NAV2: variants seen among roughly 807,000 people sequenced by gnomAD.
NAV2 encodes the protein neuron navigator 2, also known as helicase, APC down-regulated 1.
A neutral mutation model predicts 223.2 loss-of-function variants in NAV2; 54 were observed. That is an observed-to-expected ratio of 0.24 (90% confidence interval 0.19 to 0.30). The LOEUF is 0.30. Ranked by LOEUF, NAV2 falls within the 10% of genes least tolerant of loss-of-function variation. The pLI is 1.00. For synonymous variants in NAV2, 1,279 were observed against 1,239.3 expected (o/e 1.03, Z -0.67); for missense variants, 2,806 against 3,147.5 (o/e 0.89, Z 2.60).
At chr11:19,689,870 A>G in intron 1 of NAV2, among the ~76,000 whole-genome samples, 1 of 152,220 alleles carries the variant, frequency 6.6e-6, no homozygotes, top group Non-Finnish European at 1.5e-5. Flanking sequence ...TGGTTGCCAG[A>G]TGCACGATAC....
chr11:19,358,688 T>C (rs1475398160), intron 1 of NAV2, among the ~76,000 whole-genome samples: 3 of 152,166 alleles, frequency 2.0e-5, no homozygotes. Flanking sequence ...GCCTTTATGT[T>C]CAGAATCCAG....
intron 1 of NAV2, among the ~76,000 whole-genome samples, chr11:19,379,189 T>C (rs914598610): frequency 4.6e-5 from 7 of 151,988 alleles, no homozygotes; most frequent in Non-Finnish European, 1.0e-4. Flanking sequence ...GATTGGAAAC[T>C]TGCAGTGTGG....
intron 6 of NAV2, among the ~76,000 whole-genome samples, chr11:19,915,284 C>T (rs779636851): frequency 1.3e-5 from 2 of 152,272 alleles, no homozygotes; most frequent in African/African-American, 2.4e-5. Context: ...ATCTCATTTT[C>T]GTAAAGGGAA....
chr11:19,738,938 A>C (rs1565231972), intron 1 of NAV2, among the ~76,000 whole-genome samples: 1 of 152,180 alleles, frequency 6.6e-6, no homozygotes, highest in Non-Finnish European at 1.5e-5. Flanking sequence ...AAAACACACA[A>C]CTAATATTAG....
chr11:19,532,998 C>T (rs558749210), intron 1 of NAV2, among the ~76,000 whole-genome samples: 8 of 152,294 alleles, frequency 5.3e-5, no homozygotes, highest in South Asian at 2.1e-4. Context: ...GACCAGTGTC[C>T]ACACATAGTG....
chr11:19,461,822 C>G (rs1422217192), intron 1 of NAV2, among the ~76,000 whole-genome samples: 1 of 152,182 alleles, frequency 6.6e-6, no homozygotes, highest in African/African-American at 2.4e-5. Context: ...CGGTTATGAA[C>G]AGATGTGTGT....
At chr11:19,500,017 C>T (rs937983522) in intron 1 of NAV2, among the ~76,000 whole-genome samples, 17 of 152,040 alleles carry the variant, frequency 1.1e-4, no homozygotes, top group Admixed American at 4.6e-4. Flanking sequence ...TCCACACACA[C>T]GCACACACAC....
chr11:19,866,221 T>C (rs1425078539), intron 3 of NAV2, among the ~76,000 whole-genome samples: 4 of 152,222 alleles, frequency 2.6e-5, no homozygotes, highest in Non-Finnish European at 5.9e-5. Context: ...ACTGGACAGT[T>C]CTTTGTTGTG....
intron 5 of NAV2, among the ~76,000 whole-genome samples, chr11:19,884,997 A>T (rs1369552139): frequency 6.6e-6 from 1 of 152,190 alleles, no homozygotes; most frequent in Non-Finnish European, 1.5e-5. Context: ...AGTTCTCTTA[A>T]TTCAGACTTC....
intron 20 of NAV2, among the ~76,000 whole-genome samples, chr11:20,063,726 GA>G (rs891982401): frequency 4.0e-5 from 6 of 150,778 alleles, no homozygotes; most frequent in South Asian, 4.2e-4. Flanking sequence ...TTTCTACAGG[GA>G]AAAAAAAAGT....
chr11:19,846,658 C>A (rs566386677), intron 3 of NAV2, among the ~76,000 whole-genome samples: 1 of 152,350 alleles, frequency 6.6e-6, no homozygotes, highest in East Asian at 1.9e-4. Flanking sequence ...GTCCTCCTGA[C>A]TCTGCTGTGG....
chr11:19,871,656 G>A (rs1240796643), intron 4 of NAV2, among the ~76,000 whole-genome samples: 2 of 152,142 alleles, frequency 1.3e-5, no homozygotes, highest in African/African-American at 4.8e-5. Context: ...GCAGGAACGT[G>A]TGGGCTCCAT....
At chr11:20,052,851 C>T (rs535951790) in intron 17 of NAV2, among the ~76,000 whole-genome samples, 1 of 152,278 alleles carries the variant, frequency 6.6e-6, no homozygotes, top group South Asian at 2.1e-4. Context: ...AAAGAATCCC[C>T]CTATTGACAT....
intron 1 of NAV2, among the ~76,000 whole-genome samples, chr11:19,457,809 G>A (rs180756932): frequency 3.9e-5 from 6 of 152,308 alleles, no homozygotes; most frequent in South Asian, 4.1e-4. Flanking sequence ...AGAGATGCAC[G>A]TGACAAAGCC....
chr11:19,346,465 C>A (rs1055635647), upstream of NAV2, among the ~76,000 whole-genome samples: 2 of 152,180 alleles, frequency 1.3e-5, no homozygotes, highest in African/African-American at 4.8e-5. Context: ...GGGGAGGGGG[C>A]GCCCGAGCAC....
At chr11:19,385,728 C>T (rs1168031953) in intron 1 of NAV2, among the ~76,000 whole-genome samples, 1 of 135,226 alleles carries the variant, frequency 7.4e-6, no homozygotes, top group African/African-American at 2.9e-5. Flanking sequence ...CTGTTTATTT[C>T]TCAACTGCTT....
At chr11:19,478,048 A>G (rs1590287323) in intron 1 of NAV2, among the ~76,000 whole-genome samples, 1 of 152,362 alleles carries the variant, frequency 6.6e-6, no homozygotes, top group East Asian at 1.9e-4. Flanking sequence ...GCTATCCTAT[A>G]GCCTTCAAAA....
rs1428010221 is a variant in NAV2 at position 19,574,531 on chromosome 11, G to A, written c.75+223504G>A. 2.0e-5 allele frequency among the ~76,000 whole-genome samples: 3 copies of A among 152,128 alleles called. No individual in the cohort carries two copies. The East Asian group carries it at 5.8e-4, about 29-fold the overall frequency. On this transcript the variant is annotated intron_variant, in intron 1 of 37. Coordinates refer to the NAV2 transcript ENST00000360655. Reference sequence around the variant, plus strand: ...CATGGGTAATGAGCCATCTTCCCAGGGCAGTGGGGCTAAGTGCTTTGGTGG... The same window carrying A: ...CATGGGTAATGAGCCATCTTCCCAGAGCAGTGGGGCTAAGTGCTTTGGTGG...
intron 1 of NAV2, among the ~76,000 whole-genome samples, chr11:19,391,644 A>G (rs577283656): frequency 1.3e-5 from 2 of 151,754 alleles, no homozygotes; most frequent in Admixed American, 1.3e-4. Flanking sequence ...TAGGAAAGTT[A>G]TAGTTCTTTT....
Sources: gnomAD v4.1 joint callset for allele counts (sites outside exome capture counted in the v4.1 genomes callset) on GRCh38, gnomAD v4.1.1 for gene constraint, MANE v1.5 for transcripts, NCBI Gene and HGNC (gene_info 2026-07-23, HGNC 2026-07-21) for gene names.